The following DSCAM variants were observed in gnomAD, a reference collection of about 807,000 sequenced individuals.
DSCAM encodes the protein DS cell adhesion molecule, also known as cell adhesion molecule DSCAM.
DSCAM carries 47 observed loss-of-function variants against 217.7 expected under a neutral mutation model. The observed-to-expected ratio is 0.22, with a 90% CI of 0.17 to 0.28. The LOEUF (loss-of-function observed/expected upper bound fraction) is 0.28. DSCAM is among the 10% of genes least tolerant of loss of function. The pLI is 1.00. For synonymous variants in DSCAM, 1,056 were observed against 1,015.3 expected (o/e 1.04, Z -0.76); for missense variants, 2,080 against 2,618.3 (o/e 0.79, Z 4.49).
chr21:40,162,562 A>G (rs1472060258), intron 16 of DSCAM, among the ~76,000 whole-genome samples: 2 of 152,216 alleles, frequency 1.3e-5, no homozygotes, highest in African/African-American at 4.8e-5. Flanking sequence ...CTCAACTCTG[A>G]AACTTAATAG....
chr21:40,324,405 C>A (rs2074295987), intron 8 of DSCAM, among the ~76,000 whole-genome samples: 1 of 152,084 alleles, frequency 6.6e-6, no homozygotes, highest in South Asian at 2.1e-4. Flanking sequence ...ATGGCAGTGT[C>A]TCCTTCCAAT....
chr21:40,803,187 A>G (rs1028524645), intron 1 of DSCAM, among the ~76,000 whole-genome samples: 3 of 152,316 alleles, frequency 2.0e-5, no homozygotes, highest in Admixed American at 6.5e-5. Flanking sequence ...CTGAAATCTC[A>G]TATGTTTTTC....
intron 3 of DSCAM, among the ~76,000 whole-genome samples, chr21:40,667,913 C>T (rs546446103): frequency 2.2e-4 from 33 of 152,300 alleles, no homozygotes; most frequent in African/African-American, 7.5e-4. Flanking sequence ...CCTCTCCACT[C>T]TGAATTTAAT....
At position 40,276,144 on chromosome 21, in the gene DSCAM, T is replaced by G; in HGVS notation, c.2309A>C (p.Asn770Thr). 2 of 1,611,912 alleles carry G rather than the reference T, an allele frequency of 1.2e-6. No homozygotes were observed. Among genetic ancestry groups the G allele is most frequent in the Non-Finnish European group, 1.7e-6 (2 of 1,179,070 alleles). Residue 770 changes from asparagine (N) to threonine (T), a missense_variant, in exon 11 of 33, where the codon AAC (asparagine) becomes ACC (threonine). Transcript: ENST00000400454. Reference sequence around the variant, plus strand: ...CTTGCTGACGTCTGCGCCCACATCGTTGCTGACCTTGCAGAGGTAGTAGCC... The same window carrying G: ...CTTGCTGACGTCTGCGCCCACATCGGTGCTGACCTTGCAGAGGTAGTAGCC... ...DSGYYLCKVS[N>T]DVGADVSKSM...
At chr21:40,129,869 G>T (rs2090137161) in intron 19 of DSCAM, among the ~76,000 whole-genome samples, 1 of 152,150 alleles carries the variant, frequency 6.6e-6, no homozygotes, top group South Asian at 2.1e-4. Flanking sequence ...AGTATGTATG[G>T]CTCAAAGTAT....
chr21:40,714,877 G>A (rs73222412), intron 1 of DSCAM, among the ~76,000 whole-genome samples: 3,600 of 152,326 alleles, frequency 0.024, 59 homozygotes, highest in Middle Eastern at 0.034. Flanking sequence ...CCAGGGTAAT[G>A]GTACTGGGAG....
intron 3 of DSCAM, among the ~76,000 whole-genome samples, chr21:40,493,788 G>A (rs781505356): frequency 1.3e-5 from 2 of 150,322 alleles, no homozygotes; most frequent in South Asian, 2.1e-4. Flanking sequence ...ACTTGAACCC[G>A]AGAGGCAAAG....
chr21:40,123,989 G>T (rs1378992820), intron 20 of DSCAM, among the ~76,000 whole-genome samples: 2 of 152,106 alleles, frequency 1.3e-5, no homozygotes, highest in African/African-American at 4.8e-5. Flanking sequence ...CCAGACAATT[G>T]TCCCCCTTGT....
chr21:40,824,215 C>A (rs2091950577), intron 1 of DSCAM, among the ~76,000 whole-genome samples: 1 of 152,174 alleles, frequency 6.6e-6, no homozygotes, highest in Non-Finnish European at 1.5e-5. Context: ...GTGGAATTAG[C>A]CTTTGCTTGG....
chr21:40,812,665 A>G (rs979576990), intron 1 of DSCAM, among the ~76,000 whole-genome samples: 1 of 152,248 alleles, frequency 6.6e-6, no homozygotes, highest in Non-Finnish European at 1.5e-5. Context: ...TTGAACATAT[A>G]GGTCTGAAGC....
intron 1 of DSCAM, among the ~76,000 whole-genome samples, chr21:40,740,129 C>T (rs937919676): frequency 1.3e-5 from 2 of 152,030 alleles, no homozygotes; most frequent in Non-Finnish European, 2.9e-5. Flanking sequence ...TAAGACAGTG[C>T]TCTGTAAATT....
intron 28 of DSCAM, among the ~76,000 whole-genome samples, chr21:40,059,358 T>G (rs561616698): frequency 6.6e-6 from 1 of 152,298 alleles, no homozygotes; most frequent in South Asian, 2.1e-4. Context: ...TTTTTAAAAA[T>G]AAAAATCTTA....
intron 14 of DSCAM, among the ~76,000 whole-genome samples, chr21:40,185,122 C>G (rs1166716659): frequency 6.6e-6 from 1 of 152,116 alleles, no homozygotes; most frequent in Non-Finnish European, 1.5e-5. Context: ...ATGCATTAAT[C>G]AGCATATTTG....
At chr21:40,537,779 G>C (rs924666931) in intron 3 of DSCAM, among the ~76,000 whole-genome samples, 3 of 152,150 alleles carry the variant, frequency 2.0e-5, no homozygotes, top group African/African-American at 7.2e-5. Context: ...GCCTCAGAGG[G>C]AACCAGCCCT....
At chr21:40,388,323 AAGTT>A (rs1357449184) in intron 3 of DSCAM, among the ~76,000 whole-genome samples, 3 of 152,222 alleles carry the variant, frequency 2.0e-5, no homozygotes, top group Non-Finnish European at 4.4e-5. Context: ...TTGATATAAA[AAGTT>A]AGATGCCTCT....
chr21:40,254,181 A>G (rs2090780374), intron 11 of DSCAM, among the ~76,000 whole-genome samples: 1 of 152,224 alleles, frequency 6.6e-6, no homozygotes, highest in Non-Finnish European at 1.5e-5. Flanking sequence ...TATTAGATAA[A>G]TAGTCACAGC....
chr21:40,353,648 G>A lies in DSCAM; in HGVS notation c.751C>T (p.His251Tyr), dbSNP rs756121110. Residue 251 changes from histidine to tyrosine, a missense_variant, in exon 5 of 33, where the codon CAC becomes TAC. By Grantham distance (83) the His-to-Tyr change is moderately conservative. This residue lies in a region of DSCAM where 568 missense variants were observed against 678.1 expected (regional missense o/e 0.84). Coordinates refer to ENST00000400454, the MANE Select transcript of DSCAM (RefSeq NM_001389.5). ...AGCCAGCGGTAATCTGGCTCAGGGT[G>A]CCCGAGCGCTTTGCAAGGCAGCTCC... The part of the protein sequence containing the change: ...RVELPCKALG[H>Y]PEPDYRWLKD... 5 of 1,611,154 alleles carry A rather than the reference G, an allele frequency of 3.1e-6. No homozygotes were observed. In the South Asian group the frequency reaches 3.3e-5, roughly 11 times the overall value.
intron 32 of DSCAM, among the ~76,000 whole-genome samples, chr21:40,036,742 A>C (rs1428207189): frequency 4.1e-5 from 6 of 145,376 alleles, no homozygotes; most frequent in Admixed American, 1.4e-4. Flanking sequence ...AATATCCTTG[A>C]TGAACATTGA....
chr21:40,636,505 T>C (rs2089760964), intron 3 of DSCAM, among the ~76,000 whole-genome samples: 1 of 152,064 alleles, frequency 6.6e-6, no homozygotes, highest in Non-Finnish European at 1.5e-5. Context: ...TCATCTCCTC[T>C]CTTTCCGAAA....
Sources: gnomAD v4.1 joint callset for allele counts (sites outside exome capture counted in the v4.1 genomes callset) on GRCh38, gnomAD v4.1.1 for gene constraint, gnomAD v4.1.1 regional missense constraint, MANE v1.5 for transcripts, NCBI Gene and HGNC (gene_info 2026-07-23, HGNC 2026-07-21) for gene names.